The following FGFR1 variants were observed in gnomAD, a reference collection of about 807,000 sequenced individuals.
The protein encoded by FGFR1 is FGFR1/PLAG1 fusion.
A neutral mutation model predicts 93.7 loss-of-function variants in FGFR1; 18 were observed. The ratio of observed to expected loss-of-function variants is 0.19; its 90% CI spans 0.13 to 0.28. FGFR1 has a LOEUF of 0.28. Among genes scored for constraint, FGFR1 ranks in the 10% least tolerant of loss-of-function variants. The probability of loss-of-function intolerance (pLI) is 1.00; values close to 1 mark genes in which losing one functional copy is unlikely to be tolerated. For synonymous variants in FGFR1, 448 were observed against 429.3 expected (o/e 1.04, Z -0.54); for missense variants, 731 against 1,080.4 (o/e 0.68, Z 4.53).
At chr8:38,433,670 T>C (rs376076558) in intron 2 of FGFR1, among the ~76,000 whole-genome samples, 242 of 152,342 alleles carry the variant, frequency 1.6e-3, no homozygotes, top group African/African-American at 5.6e-3. Flanking sequence ...CTTGTTTATA[T>C]CAATGTCTCA....
rs374740971 is a variant in FGFR1, at chr8:38,415,909, G to A, written c.1815C>T (p.Tyr605=). The change falls in exon 13 of 18, where the codon TAC becomes TAT. Residue 605 remains tyrosine, a synonymous_variant. Transcript: ENST00000447712. ...GATACTCCATGCCTCGGGCCACCTG[G>A]TAGGCGCAGGACACCAGGTCCTTGG... ...LSSKDLVSCA[Y]QVARGMEYLA... The A allele has an allele frequency of 4.3e-6, 7 of 1,614,044 alleles. No homozygotes were observed. The highest frequency in any genetic ancestry group is 5.9e-6 in the Non-Finnish European group (7 of 1,180,030).
Position 38,418,108 on chromosome 8 carries a change from T to C in FGFR1, c.1431-117A>G, listed in dbSNP as rs1817374567. On this transcript the variant is annotated intron_variant, in intron 10 of 17. Transcript: ENST00000447712. ...AACTGCGAGCAGAAAGTGGAATGAA[T>C]GTTTCTGCAGGCATTTCATGAACCT... 1.5e-5 allele frequency: 24 copies of C among 1,604,162 alleles called. No individual in the cohort carries two copies. The South Asian group carries it at 2.4e-4, about 16-fold the overall frequency.
rs1820667957 is a variant in FGFR1 at position 38,426,100 on chromosome 8, CCTG to C, written c.745+19_745+21del. ...GGCTCTTCCCACTAAACTCATTCCT[CCTG>C]CTGCCTCTGCCCTCTTACCCACGAC... On this transcript the variant is annotated intron_variant, in intron 6 of 17. Coordinates refer to ENST00000447712, the MANE Select transcript of FGFR1 (RefSeq NM_023110.3). The surrounding 1 kb of genome is among the most constrained non-coding windows in gnomAD (Gnocchi z 4.1). 6.2e-7 allele frequency: 1 copy of C among 1,614,036 alleles called. No homozygotes were observed. Among genetic ancestry groups the C allele is most frequent in the African/African-American group, 1.3e-5 (1 of 75,036 alleles).
rs121909644 is a variant in FGFR1, at chr8:38,413,795, C to G, written c.2302G>C (p.Asp768His). Reference sequence around the variant, plus strand: ...TACTGGTCCAGGGGCATGGACAGGTCCAGGTACTCCTGTGATGGGCGAGAG... The same window carrying G: ...TACTGGTCCAGGGGCATGGACAGGTGCAGGTACTCCTGTGATGGGCGAGAG... ...VALTSNQEYL[D>H]LSMPLDQYSP... Residue 768 changes from aspartate to histidine, a missense_variant, in exon 18 of 18, where the codon GAC (aspartate) becomes CAC (histidine). Physicochemically the swap from Asp to His is moderately conservative, Grantham distance 81. Transcript: ENST00000447712. This position sits in a 1 kb window ranked among gnomAD's most constrained non-coding sequence, Gnocchi z 4.2. 1 of 1,614,022 alleles carries G rather than the reference C, an allele frequency of 6.2e-7. No homozygotes were observed. The highest frequency in any genetic ancestry group is 8.5e-7 in the Non-Finnish European group (1 of 1,179,962).
chr8:38,427,425 C>T (rs922084856), intron 5 of FGFR1, among the ~76,000 whole-genome samples: 3 of 152,116 alleles, frequency 2.0e-5, no homozygotes, highest in Non-Finnish European at 4.4e-5. Flanking sequence ...ATTACAGGAG[C>T]CTGCCACCAC....
intron 2 of FGFR1, among the ~76,000 whole-genome samples, chr8:38,432,915 C>A (rs975206674): frequency 7.8e-5 from 11 of 140,778 alleles, no homozygotes; most frequent in South Asian, 2.4e-4. Flanking sequence ...CGCGCCCCCC[C>A]CCCTCCCCAG....
intron 2 of FGFR1, among the ~76,000 whole-genome samples, chr8:38,448,970 C>CCA (rs1830247918): frequency 6.6e-6 from 1 of 152,018 alleles, no homozygotes; most frequent in African/African-American, 2.4e-5. Flanking sequence ...GGCATGGTGG[C>CCA]TCATGCCTGT....
intron 1 of FGFR1, among the ~76,000 whole-genome samples, chr8:38,460,087 G>C (rs911050489): frequency 1.3e-5 from 2 of 152,160 alleles, no homozygotes; most frequent in Non-Finnish European, 2.9e-5. Flanking sequence ...GGAGGCTAAC[G>C]CATGAGAATT....
rs777061347 is a variant in FGFR1 at position 38,414,232 on chromosome 8, G to A, written c.2106C>T (p.Pro702=). 7.9e-5 allele frequency: 128 copies of A among 1,614,128 alleles called. No homozygotes were observed. Among genetic ancestry groups the A allele is most frequent in the Middle Eastern group, 1.7e-4 (1 of 6,060 alleles). ...TGAAAAGTTCCTCCACAGGCACACC[G>A]GGGTATGGGGAGCCGCCCAGAGTGA... is the stretch of plus-strand genomic sequence containing the variant. ...EIFTLGGSPY[P]GVPVEELFKL... Residue 702 remains proline, a synonymous_variant, in exon 16 of 18, where the codon CCC becomes CCT. Transcript: ENST00000447712.
At chr8:38,447,126 C>T (rs1434977295) in intron 2 of FGFR1, among the ~76,000 whole-genome samples, 4 of 150,716 alleles carry the variant, frequency 2.7e-5, no homozygotes, top group Non-Finnish European at 1.5e-5. Context: ...CACACACACA[C>T]ACACACACAC....
chr8:38,467,156 G>C (rs1478670334), intron 1 of FGFR1, among the ~76,000 whole-genome samples: 1 of 151,972 alleles, frequency 6.6e-6, no homozygotes, highest in Non-Finnish European at 1.5e-5. Flanking sequence ...ACCAGATTGG[G>C]ACCGAACGGT....
intron 8 of FGFR1, 181 bp downstream of exon 8, chr8:38,421,616 A>C: frequency 1.4e-6 from 1 of 716,168 alleles, no homozygotes; most frequent in South Asian, 1.5e-5. Context: ...AAAACTAGGG[A>C]AGCTCTTCTC....
chr8:38,464,257 G>C (rs1472874800), intron 1 of FGFR1, among the ~76,000 whole-genome samples: 1 of 146,012 alleles, frequency 6.8e-6, no homozygotes, highest in African/African-American at 2.5e-5. Flanking sequence ...GGAGGTTGCA[G>C]TGACCTGAGA....
intron 2 of FGFR1, among the ~76,000 whole-genome samples, chr8:38,431,049 C>T (rs1324698822): frequency 1.3e-5 from 2 of 152,214 alleles, no homozygotes; most frequent in Admixed American, 6.5e-5. Context: ...CACCTACCAC[C>T]CACATCCCGC....
At chr8:38,416,596 C>T (rs924809789) in intron 12 of FGFR1, among the ~76,000 whole-genome samples, 1 of 151,290 alleles carries the variant, frequency 6.6e-6, no homozygotes, top group South Asian at 2.1e-4. Flanking sequence ...GCTGGAATTA[C>T]AGGCATGCGC....
At position 38,419,680 on chromosome 8, in the gene FGFR1, G is replaced by C. The variant is rs762042419; in HGVS notation, c.1137C>G (p.Ile379Met). The C allele has an allele frequency of 1.9e-6, 3 of 1,614,124 alleles. No homozygotes were observed. Among genetic ancestry groups the C allele is most frequent in the Non-Finnish European group, 2.5e-6 (3 of 1,180,014 alleles). Residue 379 changes from isoleucine (I) to methionine (M), a missense_variant, in exon 9 of 18, where the codon ATC (isoleucine) becomes ATG (methionine). By Grantham distance (10) the Ile-to-Met change is conservative. Around this residue, in one of 10 missense-constraint regions of FGFR1, gnomAD observed 146 missense variants for 173.0 expected, o/e 0.84. Transcript: ENST00000447712. ...AGATGAGGAAGGCCCCTGTGCAATA[G>C]ATGATGATCTCCAGGTACAGGGGCG... ...MTSPLYLEIIIYCTGAFLISC... is the reference protein window; with the variant it reads ...MTSPLYLEIIMYCTGAFLISC...
chr8:38,414,750 C>T (rs1486807275), intron 14 of FGFR1, 29 bp downstream of exon 14: 1 of 1,613,996 alleles, frequency 6.2e-7, no homozygotes, highest in East Asian at 2.2e-5. Flanking sequence ...ATGAAACCAC[C>T]AGCACAGGGC....
At chr8:38,414,089 C>A (rs2150527176) in intron 16 of FGFR1, 63 bp downstream of exon 16, 1 of 1,613,986 alleles carries the variant, frequency 6.2e-7, no homozygotes, top group South Asian at 1.1e-5. Context: ...TAGCCCCCTG[C>A]CCCTCAAGCC....
chr8:38,461,052 C>G (rs2151424405), intron 1 of FGFR1: 1 of 1,535,244 alleles, frequency 6.5e-7, no homozygotes, highest in Non-Finnish European at 8.7e-7. Flanking sequence ...AGAGAGGGGG[C>G]ACATCTCAGT....
Sources: allele counts gnomAD v4.1 joint callset (sites outside exome capture counted in the v4.1 genomes callset), GRCh38; gene constraint gnomAD v4.1.1; regional missense constraint gnomAD v4.1.1; non-coding constraint Gnocchi (gnomAD v3.1); transcripts MANE v1.5; gene names NCBI Gene and HGNC (gene_info 2026-07-23, HGNC 2026-07-21).